Variants in FSTL5 observed in about 807,000 individuals in gnomAD.
FSTL5 encodes the protein follistatin like 5.
A neutral mutation model predicts 89.1 loss-of-function variants in FSTL5; 62 were observed. The observed-to-expected ratio is 0.70, with a 90% CI of 0.57 to 0.86. The LOEUF is 0.86. Among genes scored for constraint, FSTL5 ranks in the 40% least tolerant of loss-of-function variants. The probability of loss-of-function intolerance (pLI) is 0.00; values close to 1 mark genes in which losing one functional copy is unlikely to be tolerated. For synonymous variants in FSTL5, 383 were observed against 346.2 expected, an observed-to-expected ratio of 1.11 and a Z score of -1.18; for missense variants, 1,057 against 1,001.6, an observed-to-expected ratio of 1.06 and a Z score of -0.75.
chr4:161,444,737 G>A (rs1732888840), intron 15 of FSTL5, among the ~76,000 whole-genome samples: 1 of 151,674 alleles, frequency 6.6e-6, no homozygotes, highest in Admixed American at 6.6e-5. Flanking sequence ...AGGGAGTGTT[G>A]CAAAGGTTGG....
chr4:161,595,248 G>C (rs1339467431), intron 7 of FSTL5, among the ~76,000 whole-genome samples: 1 of 151,946 alleles, frequency 6.6e-6, no homozygotes, highest in Non-Finnish European at 1.5e-5. Context: ...CAAAACAAAT[G>C]TATGATGTTG....
chr4:161,997,343 T>A (rs1736324539), intron 3 of FSTL5, among the ~76,000 whole-genome samples: 1 of 152,180 alleles, frequency 6.6e-6, no homozygotes, highest in Admixed American at 6.5e-5. Flanking sequence ...AAGGAATGAC[T>A]TACATCAAGA....
intron 3 of FSTL5, among the ~76,000 whole-genome samples, chr4:161,942,921 A>G (rs531221911): frequency 1.3e-4 from 20 of 152,304 alleles, no homozygotes; most frequent in African/African-American, 4.6e-4. Flanking sequence ...CTTATATGTC[A>G]AAATGCTAAA....
chr4:162,127,803 G>A (rs1223972769), intron 1 of FSTL5, among the ~76,000 whole-genome samples: 1 of 152,120 alleles, frequency 6.6e-6, no homozygotes, highest in Non-Finnish European at 1.5e-5. Context: ...GTTGACATGT[G>A]ATTATTTTAT....
chr4:161,445,945 A>C (rs1732928723), intron 15 of FSTL5, among the ~76,000 whole-genome samples: 1 of 152,078 alleles, frequency 6.6e-6, no homozygotes, highest in Admixed American at 6.6e-5. Flanking sequence ...AAATAACATA[A>C]AAATGTAATT....
chr4:161,386,350 G>A lies in FSTL5; in HGVS notation c.1941C>T (p.Cys647=), dbSNP rs139415477. Reference sequence around the variant, plus strand: ...GTGTATATGCCAATGACTGAGGAACGCACTTATAGTCCTTCAAGTTAATTG... The same window carrying A: ...GTGTATATGCCAATGACTGAGGAACACACTTATAGTCCTTCAAGTTAATTG... ...IKTINLKDYK[C]VPQSLAYTHL... Residue 647 remains cysteine, a synonymous_variant, in exon 16 of 16, where the codon TGC becomes TGT. Coordinates refer to ENST00000306100, the MANE Select transcript of FSTL5 (RefSeq NM_020116.5). The A allele has an allele frequency of 1.4e-4, 224 of 1,613,764 alleles. No homozygotes were observed. The highest frequency in any genetic ancestry group is 1.0e-3 in the African/African-American group (76 of 75,004).
intron 4 of FSTL5, among the ~76,000 whole-genome samples, chr4:161,815,038 T>C (rs1384093645): frequency 6.6e-6 from 1 of 152,102 alleles, no homozygotes; most frequent in Admixed American, 6.6e-5. Flanking sequence ...TCATGCAATA[T>C]GTTAAAATAG....
intron 6 of FSTL5, among the ~76,000 whole-genome samples, chr4:161,741,681 A>ATT (rs367947098): frequency 0.024 from 2,507 of 104,416 alleles, 55 homozygotes; most frequent in South Asian, 0.062. Flanking sequence ...GAGAAGTATG[A>ATT]TTTTTTTTTT....
chr4:162,081,334 C>G (rs546472151), intron 2 of FSTL5, among the ~76,000 whole-genome samples: 1 of 151,556 alleles, frequency 6.6e-6, no homozygotes, highest in Admixed American at 6.6e-5. Context: ...AGGGGAGGGC[C>G]CTTTGCTAAT....
intron 5 of FSTL5, among the ~76,000 whole-genome samples, chr4:161,769,088 T>C (rs1741118041): frequency 6.6e-6 from 1 of 151,920 alleles, no homozygotes. Flanking sequence ...TTGAAAAACC[T>C]AGAAGAAATG....
At chr4:161,615,715 T>G (rs2126640213) in intron 7 of FSTL5, among the ~76,000 whole-genome samples, 1 of 152,280 alleles carries the variant, frequency 6.6e-6, no homozygotes, top group South Asian at 2.1e-4. Context: ...ATTGTGGGTG[T>G]TAAATGCTAA....
chr4:161,796,860 T>C (rs1445865639), intron 4 of FSTL5, among the ~76,000 whole-genome samples: 4 of 151,692 alleles, frequency 2.6e-5, no homozygotes, highest in East Asian at 3.9e-4. Context: ...TTTCTCAAAG[T>C]CATAAGTTGA....
chr4:162,069,575 A>G (rs1232838705), intron 2 of FSTL5, among the ~76,000 whole-genome samples: 1 of 151,866 alleles, frequency 6.6e-6, no homozygotes, highest in African/African-American at 2.4e-5. Flanking sequence ...TCTAATAACC[A>G]CAATTCTGCT....
intron 1 of FSTL5, among the ~76,000 whole-genome samples, chr4:162,114,384 G>C (rs557335369): frequency 7.2e-5 from 11 of 152,122 alleles, no homozygotes; most frequent in Non-Finnish European, 1.5e-4. Context: ...AGTCAAGAAA[G>C]AGGCATGAAA....
chr4:161,695,378 G>A (rs1376144199), intron 6 of FSTL5, among the ~76,000 whole-genome samples: 2 of 150,964 alleles, frequency 1.3e-5, no homozygotes, highest in East Asian at 3.9e-4. Context: ...CGCTGTGAAT[G>A]CCATTATTCA....
At chr4:161,751,214 A>C (rs1044189678) in intron 6 of FSTL5, among the ~76,000 whole-genome samples, 1 of 152,196 alleles carries the variant, frequency 6.6e-6, no homozygotes, top group Non-Finnish European at 1.5e-5. Flanking sequence ...TACCATGGGA[A>C]AAACCTAAGA....
intron 12 of FSTL5, among the ~76,000 whole-genome samples, chr4:161,492,563 G>T (rs982248848): frequency 6.6e-6 from 1 of 152,070 alleles, no homozygotes; most frequent in Non-Finnish European, 1.5e-5. Context: ...AGATAGCATA[G>T]CTCATGGTAC....
At chr4:161,818,543 CA>C (rs1730397769) in intron 4 of FSTL5, among the ~76,000 whole-genome samples, 1 of 152,200 alleles carries the variant, frequency 6.6e-6, no homozygotes, top group Admixed American at 6.5e-5. Flanking sequence ...CTCTAGACAT[CA>C]CCATCGGGTG....
At chr4:161,491,096 T>C (rs542338091) in intron 12 of FSTL5, among the ~76,000 whole-genome samples, 1 of 151,886 alleles carries the variant, frequency 6.6e-6, no homozygotes, top group Non-Finnish European at 1.5e-5. Flanking sequence ...TTACATTTCA[T>C]CTGGGCTCTT....
Sources: allele counts gnomAD v4.1 joint callset (sites outside exome capture counted in the v4.1 genomes callset), GRCh38; gene constraint gnomAD v4.1.1; transcripts MANE v1.5; gene names NCBI Gene and HGNC (gene_info 2026-07-23, HGNC 2026-07-21).